Variants in KCNK12 observed in about 807,000 individuals in gnomAD.
The protein encoded by KCNK12 is potassium two pore domain channel subfamily K member 12, also known as potassium channel subfamily K member 12.
In KCNK12, 6 loss-of-function variants were observed where a neutral mutation model predicts 25.3. That is an observed-to-expected ratio of 0.24 (90% CI 0.13 to 0.47). The LOEUF (loss-of-function observed/expected upper bound fraction) is 0.47. Among genes scored for constraint, KCNK12 ranks in the 20% least tolerant of loss-of-function variants. The pLI is 0.99. For missense variants in KCNK12, 444 were observed against 661.7 expected (o/e 0.67, Z 3.61); for synonymous variants, 331 against 311.1 (o/e 1.06, Z -0.67).
intron 1 of KCNK12, among the ~76,000 whole-genome samples, chr2:47,550,842 C>T (rs1669414560): frequency 6.6e-6 from 1 of 152,110 alleles, no homozygotes; most frequent in South Asian, 2.1e-4. Context: ...CAAACATGCC[C>T]CGGTCCAAAT....
chr2:47,532,024 G>C (rs1330370955), intron 1 of KCNK12, among the ~76,000 whole-genome samples: 5 of 151,946 alleles, frequency 3.3e-5, no homozygotes, highest in Admixed American at 6.6e-5. Context: ...TCCAGCCTGG[G>C]TGACAAAGCG....
chr2:47,567,347 T>C (rs1272340771), intron 1 of KCNK12, among the ~76,000 whole-genome samples: 2 of 152,174 alleles, frequency 1.3e-5, no homozygotes, highest in East Asian at 3.8e-4. Flanking sequence ...GAGGTTTTGC[T>C]CCCTGATCTG....
intron 1 of KCNK12, among the ~76,000 whole-genome samples, chr2:47,559,471 G>A (rs528331122): frequency 1.3e-5 from 2 of 152,316 alleles, no homozygotes; most frequent in East Asian, 3.9e-4. Context: ...CTCAACATAT[G>A]TTGATTAATC....
rs996320344 is a variant in KCNK12 at position 47,555,303 on chromosome 2, G to A, written c.391+14638C>T. Among the ~76,000 whole-genome samples the A allele has an allele frequency of 6.6e-6, 1 of 152,214 alleles. No individual in the cohort carries two copies. Among genetic ancestry groups the A allele is most frequent in the Non-Finnish European group, 1.5e-5 (1 of 68,036 alleles). On this transcript the variant is annotated intron_variant, in intron 1 of 1. Transcript: ENST00000327876. The surrounding 1 kb of genome is among the most constrained non-coding windows in gnomAD (Gnocchi z 4.5). ...AGCTGCAGGCAATTTGGAAGCAGCA[G>A]ATGCAAAGAAAGCTCCTTATCCTCC...
chr2:47,513,502 A>C lies in KCNK12; in HGVS notation c.*7405T>G, dbSNP rs1486040358. On this transcript the variant is annotated 3_prime_UTR_variant, in exon 2 of 2. Coordinates refer to ENST00000327876, the MANE Select transcript of KCNK12 (RefSeq NM_022055.2). ...AAATGCTGGTTGTGATCCTCTTTTTATCTCATTCTACACACTCACAGCCTG... is the reference window on the plus strand; with the variant it reads ...AAATGCTGGTTGTGATCCTCTTTTTCTCTCATTCTACACACTCACAGCCTG... Among the ~76,000 whole-genome samples the C allele has an allele frequency of 1.3e-5, 2 of 151,724 alleles. No individual in the cohort carries two copies. The highest frequency in any genetic ancestry group is 6.6e-5 in the Admixed American group (1 of 15,240).
chr2:47,552,063 C>G (rs1052714130), intron 1 of KCNK12, among the ~76,000 whole-genome samples: 9 of 152,294 alleles, frequency 5.9e-5, no homozygotes, highest in Non-Finnish European at 8.8e-5. Flanking sequence ...TATCAGCGTG[C>G]TGGCTCCGAG....
chr2:47,512,658 A>T lies in KCNK12; in HGVS notation c.*8249T>A. The T allele has an allele frequency of 1.9e-6, 1 of 528,662 alleles. No homozygotes were observed. Among genetic ancestry groups the T allele is most frequent in the Non-Finnish European group, 3.3e-6 (1 of 299,124 alleles). 32.7% of individuals were successfully genotyped at this position (528,662 alleles called of 1,614,324 possible). ...TGCTAATGGGATGATGTGCCCTTGTACACCCACTGCCTCTGAACTCTGCTC... is the reference window on the plus strand; with the variant it reads ...TGCTAATGGGATGATGTGCCCTTGTTCACCCACTGCCTCTGAACTCTGCTC... On this transcript the variant is annotated 3_prime_UTR_variant, in exon 2 of 2. Transcript: ENST00000327876.
chr2:47,564,101 C>T (rs902600501), intron 1 of KCNK12: 3 of 231,566 alleles, frequency 1.3e-5, no homozygotes, highest in South Asian at 1.8e-4. Flanking sequence ...AAGATCCTAA[C>T]GCCACAGGCT....
At chr2:47,530,626 C>T (rs1279772763) in intron 1 of KCNK12, among the ~76,000 whole-genome samples, 2 of 152,220 alleles carry the variant, frequency 1.3e-5, no homozygotes, top group Non-Finnish European at 2.9e-5. Context: ...CTGCATGAGG[C>T]TCCATGTTTT....
In KCNK12 at chr2:47,570,000, C is replaced by T; in HGVS notation, c.332G>A (p.Arg111His). The T allele has an allele frequency of 7.0e-7, 1 of 1,433,738 alleles. No homozygotes were observed. Among genetic ancestry groups the T allele is most frequent in the Non-Finnish European group, 9.1e-7 (1 of 1,093,034 alleles). The allele number at this position is 1,433,738 out of a possible 1,614,324, so 88.8% of individuals were successfully genotyped here. ...LAAGVRADAL[R>H]PRWDFPGAFY... is the part of the protein sequence containing the mutation. ...GGCGCCGGGGAAGTCCCAGCGCGGG[C>T]GCAGCGCGTCGGCGCGGACGCCGGC... Residue 111 changes from arginine to histidine, a missense_variant, in exon 1 of 2, where the codon CGC becomes CAC. By Grantham distance (29) the Arg-to-His change is conservative. Transcript: ENST00000327876. This position sits in a 1 kb window ranked among gnomAD's most constrained non-coding sequence, Gnocchi z 4.1.
chr2:47,570,133 C>T lies in KCNK12; in HGVS notation c.199G>A (p.Glu67Lys). The stretch of plus-strand genomic sequence containing the variant: ...GTGGCGCCCCAGCGCGCCCGCGCCT[C>T]CGCCTCGCCGGGGCTCTCGAGCGCC... ...FSALESPGEAEARARWGATLR... is the reference protein window; with the variant it reads ...FSALESPGEAKARARWGATLR... The change falls in exon 1 of 2, where the codon GAG becomes AAG. Residue 67 changes from glutamate (E) to lysine (K), a missense_variant. By Grantham distance (56) the Glu-to-Lys change is moderately conservative. Transcript: ENST00000327876. 6.9e-7 allele frequency: 1 copy of T among 1,443,258 alleles called. No individual in the cohort carries two copies. Among genetic ancestry groups the T allele is most frequent in the Non-Finnish European group, 9.1e-7 (1 of 1,099,374 alleles). The allele number at this position is 1,443,258 out of a possible 1,614,324, so 89.4% of individuals were successfully genotyped here.
chr2:47,532,920 C>G (rs927581242), intron 1 of KCNK12, among the ~76,000 whole-genome samples: 1 of 152,238 alleles, frequency 6.6e-6, no homozygotes, highest in African/African-American at 2.4e-5. Flanking sequence ...GCTCTGGCGC[C>G]TCCACCTGCT....
chr2:47,521,731 T>A lies in KCNK12; in HGVS notation c.469A>T (p.Thr157Ser). 2 of 1,585,534 alleles carry A rather than the reference T, an allele frequency of 1.3e-6. No individual in the cohort carries two copies. The highest frequency in any genetic ancestry group is 1.7e-6 in the Non-Finnish European group (2 of 1,170,146). ...IAYGLFGCAG[T>S]ILFFNLFLER... ...AGGAAGAGGTTGAAGAACAGGATGGTCCCAGCGCAGCCGAACAGCCCGTAG... is the reference window on the plus strand; with the variant it reads ...AGGAAGAGGTTGAAGAACAGGATGGACCCAGCGCAGCCGAACAGCCCGTAG... Residue 157 changes from threonine (T) to serine (S), a missense_variant, in exon 2 of 2, where the codon ACC becomes TCC. Around this residue, in one of 8 missense-constraint regions of KCNK12, gnomAD observed 44 missense variants for 100.7 expected, o/e 0.44. Coordinates refer to ENST00000327876, the MANE Select transcript of KCNK12 (RefSeq NM_022055.2).
intron 1 of KCNK12, among the ~76,000 whole-genome samples, chr2:47,561,052 C>T (rs1487330519): frequency 6.6e-6 from 1 of 152,208 alleles, no homozygotes; most frequent in African/African-American, 2.4e-5. Flanking sequence ...CTTCACCCAG[C>T]AGCCATGACA....
chr2:47,567,230 T>C (rs1669802403), intron 1 of KCNK12: 1 of 152,202 alleles, frequency 6.6e-6, no homozygotes, highest in Non-Finnish European at 1.5e-5. Context: ...ATGAACCATA[T>C]ACACTGTGAT....
chr2:47,570,077 C>T lies in KCNK12; in HGVS notation c.255G>A (p.Val85=). 7.2e-7 allele frequency: 1 copy of T among 1,388,062 alleles called. No homozygotes were observed. The highest frequency in any genetic ancestry group is 9.3e-7 in the Non-Finnish European group (1 of 1,071,780). 86.0% of individuals were successfully genotyped at this position (1,388,062 alleles called of 1,614,324 possible). Reference sequence around the variant, plus strand: ...GGAAGGCGCGCAGCTCTGGCTCGGCCACGCCGTGCGCAGCGCTGAAGTTGC... The same window carrying T: ...GGAAGGCGCGCAGCTCTGGCTCGGCTACGCCGTGCGCAGCGCTGAAGTTGC... ...TLRNFSAAHG[V]AEPELRAFLR... Residue 85 remains valine, a synonymous_variant, in exon 1 of 2, where the codon GTG becomes GTA. Coordinates refer to ENST00000327876, the MANE Select transcript of KCNK12 (RefSeq NM_022055.2).
chr2:47,568,888 C>T (rs1456655278), intron 1 of KCNK12, among the ~76,000 whole-genome samples: 4 of 152,238 alleles, frequency 2.6e-5, no homozygotes, highest in East Asian at 3.9e-4. Context: ...GATAAGCATG[C>T]GTTTCTGCTG....
chr2:47,552,267 T>C (rs1407347827), intron 1 of KCNK12, among the ~76,000 whole-genome samples: 1 of 152,156 alleles, frequency 6.6e-6, no homozygotes, highest in East Asian at 1.9e-4. Flanking sequence ...GTAGTGCCTT[T>C]CCCACCTGCA....
In KCNK12 at chr2:47,569,799, G is replaced by A; in HGVS notation, c.391+142C>T. 3.3e-5 allele frequency: 21 copies of A among 645,410 alleles called. No individual in the cohort carries two copies. The highest frequency in any genetic ancestry group is 4.7e-5 in the Non-Finnish European group (21 of 443,032). The allele number at this position is 645,410 out of a possible 1,614,324, so 40.0% of individuals were successfully genotyped here. ...GAGAGAGAGAACGGGGGCCGGCGGAGAAGAGGGCGAGACGAAAGTAAGCAA... is the reference window on the plus strand; with the variant it reads ...GAGAGAGAGAACGGGGGCCGGCGGAAAAGAGGGCGAGACGAAAGTAAGCAA... On this transcript the variant is annotated intron_variant, in intron 1 of 1. Transcript: ENST00000327876. This position sits in a 1 kb window ranked among gnomAD's most constrained non-coding sequence, Gnocchi z 4.1.
Sources: allele counts gnomAD v4.1 joint callset (sites outside exome capture counted in the v4.1 genomes callset), GRCh38; gene constraint gnomAD v4.1.1; regional missense constraint gnomAD v4.1.1; non-coding constraint Gnocchi (gnomAD v3.1); transcripts MANE v1.5; gene names NCBI Gene and HGNC (gene_info 2026-07-23, HGNC 2026-07-21).